PCDH15: variants seen among roughly 807,000 people sequenced by gnomAD.
PCDH15 encodes protocadherin related 15.
A neutral mutation model predicts 178.5 loss-of-function variants in PCDH15; 129 were observed. That is an observed-to-expected ratio of 0.72 (90% CI 0.63 to 0.84). The LOEUF (loss-of-function observed/expected upper bound fraction) is 0.84, where lower values mean the gene tolerates loss of function less well. Ranked by LOEUF, PCDH15 falls within the 40% of genes least tolerant of loss-of-function variation. The pLI is 0.00. For missense variants in PCDH15, 2,230 were observed against 2,099.9 expected, an observed-to-expected ratio of 1.06 and a Z score of -1.21; for synonymous variants, 800 against 732.0, an observed-to-expected ratio of 1.09 and a Z score of -1.50.
At chr10:54,775,165 A>G (rs141865211) in intron 1 of PCDH15, among the ~76,000 whole-genome samples, 2,411 of 152,306 alleles carry the variant, frequency 0.016, 30 homozygotes, top group Non-Finnish European at 0.024. Context: ...TGCCTCAAAA[A>G]TGTGGTAATA....
chr10:55,137,536 GTT>G (rs10532707), intron 2 of PCDH15, among the ~76,000 whole-genome samples: 87,793 of 150,008 alleles, frequency 0.59, 26,151 homozygotes, highest in Admixed American at 0.66. Context: ...ACAGATTCGG[GTT>G]TTTTTTTTTT....
At chr10:55,037,228 A>T (rs1478603661) in intron 2 of PCDH15, among the ~76,000 whole-genome samples, 3 of 152,094 alleles carry the variant, frequency 2.0e-5, no homozygotes, top group African/African-American at 7.2e-5. Context: ...TGTTAATGAC[A>T]TCTTAATTTT....
At chr10:54,357,471 T>A (rs1945212239) in intron 5 of PCDH15, among the ~76,000 whole-genome samples, 1 of 152,056 alleles carries the variant, frequency 6.6e-6, no homozygotes, top group South Asian at 2.1e-4. Flanking sequence ...GTGAAGGACC[T>A]CTTCAAGGAG....
intron 3 of PCDH15, among the ~76,000 whole-genome samples, chr10:54,896,894 G>T (rs1455487782): frequency 1.3e-5 from 2 of 151,924 alleles, no homozygotes; most frequent in Non-Finnish European, 2.9e-5. Flanking sequence ...TTAATATTAG[G>T]TGCTTTTATG....
chr10:53,838,311 T>C (rs1351147391), intron 29 of PCDH15, among the ~76,000 whole-genome samples: 1 of 152,082 alleles, frequency 6.6e-6, no homozygotes, highest in African/African-American at 2.4e-5. Flanking sequence ...ATTCTGTTTT[T>C]TCCTTGCCTG....
chr10:55,619,366 T>C (rs1843542892), intron 2 of PCDH15, among the ~76,000 whole-genome samples: 1 of 151,952 alleles, frequency 6.6e-6, no homozygotes, highest in Non-Finnish European at 1.5e-5. Flanking sequence ...CTGCTGGAGG[T>C]AACTTTAGTA....
At chr10:53,886,083 AT>A (rs2081073323) in intron 26 of PCDH15, among the ~76,000 whole-genome samples, 1 of 151,990 alleles carries the variant, frequency 6.6e-6, no homozygotes. Flanking sequence ...GATTACTATC[AT>A]CTTACAGGGA....
At chr10:55,179,094 C>A (rs1052622443) in intron 1 of PCDH15, among the ~76,000 whole-genome samples, 2 of 152,082 alleles carry the variant, frequency 1.3e-5, no homozygotes, top group African/African-American at 4.8e-5. Context: ...AAATTTGTTT[C>A]TTTTTGGCTA....
At chr10:55,076,131 G>A (rs1841880154) in intron 2 of PCDH15, among the ~76,000 whole-genome samples, 1 of 152,106 alleles carries the variant, frequency 6.6e-6, no homozygotes, top group Admixed American at 6.6e-5. Context: ...TAAAAAATGA[G>A]ACTTGTTTTG....
chr10:55,168,000 T>C (rs535493540), intron 1 of PCDH15, among the ~76,000 whole-genome samples: 99 of 152,124 alleles, frequency 6.5e-4, no homozygotes, highest in Non-Finnish European at 1.2e-3. Context: ...AATTAAGAAA[T>C]GCATACAAGT....
intron 1 of PCDH15, among the ~76,000 whole-genome samples, chr10:55,309,538 T>G (rs2132287076): frequency 6.7e-6 from 1 of 149,218 alleles, no homozygotes; most frequent in East Asian, 2.0e-4. Context: ...AAAAAAAAAG[T>G]TAAAAGATAC....
At chr10:54,425,781 C>A (rs1219861) in intron 3 of PCDH15, among the ~76,000 whole-genome samples, 28,072 of 151,892 alleles carry the variant, frequency 0.18, 2,972 homozygotes, top group African/African-American at 0.29. Flanking sequence ...AGCTCAGTAA[C>A]ATAGGAATGG....
chr10:55,015,558 A>G (rs947773648), intron 2 of PCDH15, among the ~76,000 whole-genome samples: 1 of 152,188 alleles, frequency 6.6e-6, no homozygotes, highest in Admixed American at 6.5e-5. Flanking sequence ...TGGCAAGATT[A>G]TGTTATATGG....
chr10:55,152,605 G>A (rs1216216616), intron 2 of PCDH15, among the ~76,000 whole-genome samples: 1 of 152,134 alleles, frequency 6.6e-6, no homozygotes, highest in African/African-American at 2.4e-5. Flanking sequence ...CTTATGTGTA[G>A]GATGATCTGA....
At chr10:55,571,427 C>T (rs553485556) in intron 2 of PCDH15, among the ~76,000 whole-genome samples, 196 of 152,068 alleles carry the variant, frequency 1.3e-3, no homozygotes, top group Non-Finnish European at 2.4e-3. Flanking sequence ...GCTTTATGAG[C>T]ACATTAGTTC....
At chr10:55,147,631 TC>T (rs1456030648) in intron 2 of PCDH15, among the ~76,000 whole-genome samples, 1 of 140,136 alleles carries the variant, frequency 7.1e-6, no homozygotes. Flanking sequence ...AGTCTCCTTT[TC>T]TCCCTATCTT....
At chr10:55,590,250 G>A (rs1262376143) in intron 2 of PCDH15, among the ~76,000 whole-genome samples, 2 of 147,932 alleles carry the variant, frequency 1.4e-5, no homozygotes, top group South Asian at 2.2e-4. Flanking sequence ...ACTCATAGGT[G>A]GGAATTGAAC....
intron 2 of PCDH15, among the ~76,000 whole-genome samples, chr10:55,055,825 A>G (rs1841285181): frequency 6.6e-6 from 1 of 152,136 alleles, no homozygotes; most frequent in Non-Finnish European, 1.5e-5. Context: ...CAATAAATAA[A>G]AAAGAAAAGA....
intron 3 of PCDH15, among the ~76,000 whole-genome samples, chr10:54,895,582 TC>T (rs1370001566): frequency 6.6e-6 from 1 of 152,316 alleles, no homozygotes; most frequent in African/African-American, 2.4e-5. Context: ...CCAGAAAGAT[TC>T]TTTTAGTAAT....
Sources: allele counts gnomAD v4.1 joint callset (sites outside exome capture counted in the v4.1 genomes callset), GRCh38; gene constraint gnomAD v4.1.1; transcripts MANE v1.5; gene names NCBI Gene and HGNC (gene_info 2026-07-23, HGNC 2026-07-21).